Variants in SEL1L2 observed in about 807,000 individuals in gnomAD.
The protein encoded by SEL1L2 is protein sel-1 homolog 2.
Under a neutral mutation model 98.8 loss-of-function variants are expected in SEL1L2, and 89 were observed. The observed-to-expected ratio is 0.90, with a 90% CI of 0.76 to 1.07. The LOEUF (loss-of-function observed/expected upper bound fraction) is 1.07, where lower values mean the gene tolerates loss of function less well. Ranked by LOEUF, SEL1L2 falls within the 50% of genes least tolerant of loss-of-function variation. SEL1L2 has a pLI of 0.00. For synonymous variants in SEL1L2, 262 were observed against 278.5 expected (o/e 0.94, Z 0.59); for missense variants, 788 against 812.0 (o/e 0.97, Z 0.36).
intron 1 of SEL1L2, among the ~76,000 whole-genome samples, chr20:13,980,392 G>C (rs748117195): frequency 5.2e-4 from 79 of 152,216 alleles, no homozygotes; most frequent in Non-Finnish European, 8.2e-4. Flanking sequence ...ATTTTTAGTA[G>C]AGATAGGGTT....
chr20:13,951,651 A>C (rs373542203), intron 2 of SEL1L2, among the ~76,000 whole-genome samples: 13 of 37,704 alleles, frequency 3.4e-4, no homozygotes, highest in African/African-American at 1.1e-3. Flanking sequence ...AGAAATAGTG[A>C]TTCTTGCTGT....
At chr20:13,862,434 T>A (rs2081600640) in intron 17 of SEL1L2, among the ~76,000 whole-genome samples, 1 of 152,118 alleles carries the variant, frequency 6.6e-6, no homozygotes, top group African/African-American at 2.4e-5. Flanking sequence ...CTCGGCTTAC[T>A]CAGAAAAAGA....
chr20:13,959,015 G>A (rs1240656535), intron 1 of SEL1L2, among the ~76,000 whole-genome samples: 2 of 151,928 alleles, frequency 1.3e-5, no homozygotes, highest in Non-Finnish European at 2.9e-5. Flanking sequence ...ACGACCAGTT[G>A]AGAGCAGTCA....
At chr20:13,943,707 T>TG (rs2049885541) in intron 2 of SEL1L2, among the ~76,000 whole-genome samples, 2 of 152,056 alleles carry the variant, frequency 1.3e-5, no homozygotes, top group South Asian at 4.1e-4. Flanking sequence ...GGGAGTCAAA[T>TG]GGGGAGTTAA....
At chr20:13,854,619 T>C (rs911379206) in intron 18 of SEL1L2, among the ~76,000 whole-genome samples, 1 of 152,240 alleles carries the variant, frequency 6.6e-6, no homozygotes, top group Non-Finnish European at 1.5e-5. Context: ...GAAGGCTGTC[T>C]TGTTCTTATT....
At chr20:13,934,796 A>T (rs1272756045) in intron 2 of SEL1L2, among the ~76,000 whole-genome samples, 1 of 151,316 alleles carries the variant, frequency 6.6e-6, no homozygotes, top group Admixed American at 6.6e-5. Context: ...TTTTTTGATT[A>T]TGGCCATTCT....
chr20:13,882,536 T>C (rs907374689), intron 10 of SEL1L2, among the ~76,000 whole-genome samples: 1 of 152,168 alleles, frequency 6.6e-6, no homozygotes, highest in Non-Finnish European at 1.5e-5. Flanking sequence ...TGAGACCACA[T>C]GGAGAGGGGC....
At chr20:13,896,275 T>C (rs1234076090) in intron 5 of SEL1L2, among the ~76,000 whole-genome samples, 1 of 151,958 alleles carries the variant, frequency 6.6e-6, no homozygotes, top group South Asian at 2.1e-4. Flanking sequence ...ATCAAGACCA[T>C]CCTGGCCAAC....
chr20:13,892,845 C>T (rs2047262452), intron 5 of SEL1L2, among the ~76,000 whole-genome samples: 1 of 152,164 alleles, frequency 6.6e-6, no homozygotes, highest in Non-Finnish European at 1.5e-5. Flanking sequence ...CAAAGATATT[C>T]CATGTGTCAA....
chr20:13,873,374 A>AT (rs2046291171), intron 12 of SEL1L2, among the ~76,000 whole-genome samples: 1 of 150,384 alleles, frequency 6.6e-6, no homozygotes, highest in Admixed American at 6.6e-5. Flanking sequence ...TTATTTATTT[A>AT]TTTTTTGAGA....
intron 5 of SEL1L2, among the ~76,000 whole-genome samples, chr20:13,896,115 C>A (rs2047412339): frequency 6.6e-6 from 1 of 152,144 alleles, no homozygotes; most frequent in East Asian, 1.9e-4. Context: ...GCGGAGGTTG[C>A]AGCAAGCTGA....
At chr20:13,880,698 A>C (rs1271493537) in intron 10 of SEL1L2, among the ~76,000 whole-genome samples, 2 of 152,102 alleles carry the variant, frequency 1.3e-5, no homozygotes, top group Non-Finnish European at 2.9e-5. Flanking sequence ...CACTGATTCT[A>C]AGATGTACAT....
chr20:13,908,103 C>CTTTTTTTT (rs71188195), intron 5 of SEL1L2, among the ~76,000 whole-genome samples: 1 of 26,724 alleles, frequency 3.7e-5, no homozygotes, highest in Non-Finnish European at 6.2e-5. Flanking sequence ...TTTCTTGGTT[C>CTTTTTTTT]TTTTTTTTTT....
chr20:13,951,798 GT>G (rs375960596), intron 2 of SEL1L2, among the ~76,000 whole-genome samples: 24 of 150,042 alleles, frequency 1.6e-4, no homozygotes, highest in African/African-American at 4.7e-4. Flanking sequence ...CTCATTAGTT[GT>G]TTTTTTTGTT....
At chr20:13,970,725 G>A (rs989417697) in intron 1 of SEL1L2, among the ~76,000 whole-genome samples, 1 of 151,938 alleles carries the variant, frequency 6.6e-6, no homozygotes, top group Non-Finnish European at 1.5e-5. Flanking sequence ...CCAGCTACTC[G>A]GGAGGCTGAG....
chr20:13,898,437 C>G (rs561003922), intron 5 of SEL1L2, among the ~76,000 whole-genome samples: 1 of 152,332 alleles, frequency 6.6e-6, no homozygotes, highest in East Asian at 1.9e-4. Flanking sequence ...GTCTCCGGCT[C>G]TCTTTCCCAG....
At chr20:13,856,646 A>G (rs1989215764) in intron 18 of SEL1L2, among the ~76,000 whole-genome samples, 1 of 152,154 alleles carries the variant, frequency 6.6e-6, no homozygotes, top group Non-Finnish European at 1.5e-5. Flanking sequence ...AGGATAGCTC[A>G]CCTGCATCAT....
intron 1 of SEL1L2, among the ~76,000 whole-genome samples, 194 bp from the exon 2 acceptor site, chr20:13,956,325 G>T (rs910956825): frequency 5.3e-5 from 8 of 152,160 alleles, no homozygotes; most frequent in Admixed American, 2.0e-4. Flanking sequence ...TGTAAAGCTA[G>T]AACTTGACAC....
At chr20:13,866,537 A>T (rs1244689713) in intron 15 of SEL1L2, among the ~76,000 whole-genome samples, 165 bp downstream of exon 15, 1 of 152,242 alleles carries the variant, frequency 6.6e-6, no homozygotes, top group African/African-American at 2.4e-5. Flanking sequence ...AACCTGAGTT[A>T]CATCACTGCT....
Sources: allele counts gnomAD v4.1 joint callset (sites outside exome capture counted in the v4.1 genomes callset), GRCh38; gene constraint gnomAD v4.1.1; transcripts MANE v1.5; gene names NCBI Gene and HGNC (gene_info 2026-07-23, HGNC 2026-07-21).